Variants in ATP7A observed in about 807,000 individuals in gnomAD.
The protein encoded by ATP7A is copper-transporting ATPase 1.
A neutral mutation model predicts 83.5 loss-of-function variants in ATP7A; 7 were observed. That is an observed-to-expected ratio of 0.08 (90% CI 0.05 to 0.16). ATP7A has a LOEUF of 0.16. Among genes scored for constraint, ATP7A ranks in the 10% least tolerant of loss-of-function variants. The pLI, the probability that ATP7A is intolerant of heterozygous loss-of-function variation, is 1.00. For synonymous variants in ATP7A, 354 were observed against 395.2 expected (o/e 0.90, Z 1.24); for missense variants, 940 against 1,120.8 (o/e 0.84, Z 2.30).
chrX:77,997,841 C>T (rs945825457), intron 4 of ATP7A, among the ~76,000 whole-genome samples: 1 of 110,210 alleles, frequency 9.1e-6, no homozygotes. Flanking sequence ...TGTCCACAGA[C>T]ATATTAAAAT....
chrX:78,011,032 A>C lies in ATP7A; in HGVS notation c.1870-144A>C, dbSNP rs1387994454. 4 of 496,893 alleles carry C rather than the reference A, an allele frequency of 8.1e-6. No individual in the cohort carries two copies. The African/African-American group carries it at 9.6e-5, about 12-fold the overall frequency. 40.9% of individuals were successfully genotyped at this position (496,893 alleles called of 1,213,427 possible). The stretch of plus-strand genomic sequence containing the variant: ...GGAAACAAATGCAATCAAGAGCAGG[A>C]AGCACATCTTCATCTTTGTATTCCC... On this transcript the variant is annotated intron_variant, in intron 7 of 22. Transcript: ENST00000341514.
At chrX:78,032,481 C>T (rs2077989329) in intron 16 of ATP7A, among the ~76,000 whole-genome samples, 1 of 111,938 alleles carries the variant, frequency 8.9e-6, no homozygotes, top group African/African-American at 3.2e-5. Flanking sequence ...TCCCCACATT[C>T]TTACCAACGC....
At chrX:78,036,847 A>G (rs1379141033) in intron 17 of ATP7A, among the ~76,000 whole-genome samples, 1 of 111,667 alleles carries the variant, frequency 9.0e-6, no homozygotes, top group Non-Finnish European at 1.9e-5. Context: ...GTTGGTGGAC[A>G]TTGTCATAAT....
intron 6 of ATP7A, among the ~76,000 whole-genome samples, chrX:78,004,333 G>A (rs1245142528): frequency 1.8e-5 from 2 of 112,309 alleles, no homozygotes; most frequent in African/African-American, 6.5e-5. Flanking sequence ...GAAGATCAAA[G>A]AGAAACTTGC....
At chrX:77,947,239 C>T (rs929915182) in intron 1 of ATP7A, among the ~76,000 whole-genome samples, 1 of 110,431 alleles carries the variant, frequency 9.1e-6, no homozygotes, top group East Asian at 2.8e-4. Context: ...AAAGTAGTAC[C>T]GTGGTTACCA....
intron 9 of ATP7A, 147 bp from the exon 10 acceptor site, chrX:78,012,732 C>A: frequency 1.9e-6 from 1 of 513,733 alleles, no homozygotes; most frequent in Non-Finnish European, 3.4e-6. Flanking sequence ...GAAATACAAA[C>A]ACGATTGTTT....
intron 17 of ATP7A, among the ~76,000 whole-genome samples, chrX:78,036,660 C>T (rs970761962): frequency 5.4e-5 from 6 of 111,206 alleles, no homozygotes; most frequent in Non-Finnish European, 9.4e-5. Context: ...GCGGGTGGAT[C>T]ACTTCAGGTC....
chrX:77,975,480 A>C (rs1189381372), intron 2 of ATP7A: 11 of 79,367 alleles, frequency 1.4e-4, no homozygotes, highest in African/African-American at 3.9e-4. Context: ...TATTATGCTT[A>C]CTTTTTTTTT....
intron 1 of ATP7A, among the ~76,000 whole-genome samples, chrX:77,916,024 C>T (rs782748569): frequency 8.9e-6 from 1 of 111,764 alleles, no homozygotes; most frequent in South Asian, 3.7e-4. Flanking sequence ...CCCGGCCCTG[C>T]CACCACGCCC....
chrX:77,999,771 G>A (rs1305651493), intron 5 of ATP7A, among the ~76,000 whole-genome samples: 1 of 110,740 alleles, frequency 9.0e-6, no homozygotes, highest in East Asian at 2.8e-4. Context: ...GGGTGTAGTG[G>A]CGCATGCCTG....
rs149079962 is a variant in ATP7A, at chrX:78,046,334, C to G, written c.4267C>G (p.Arg1423Gly). The G allele has an allele frequency of 1.7e-6, 2 of 1,211,433 alleles. No homozygotes were observed. The highest frequency in any genetic ancestry group is 2.2e-6 in the Non-Finnish European group (2 of 895,193). Reference sequence around the variant, plus strand: ...TTACGAGAGTTATGAACTGCCTGCCCGGAGCCAGATAGGACAGAAGAGTCC... The same window carrying G: ...TTACGAGAGTTATGAACTGCCTGCCGGGAGCCAGATAGGACAGAAGAGTCC... ...PTYESYELPA[R>G]SQIGQKSPSE... Residue 1423 changes from arginine to glycine, a missense_variant, in exon 23 of 23, where the codon CGG becomes GGG. Transcript: ENST00000341514.
Position 77,989,922 on chromosome X carries a change from G to A in ATP7A, c.1300G>A (p.Ala434Thr). The change falls in exon 4 of 23, where the codon GCA (alanine) becomes ACA (threonine). Residue 434 changes from alanine (A) to threonine (T), a missense_variant. By Grantham distance (58) the Ala-to-Thr change is moderately conservative. Coordinates refer to ENST00000341514, the MANE Select transcript of ATP7A (RefSeq NM_000052.7). ...AACCTCTCCAGAAACGTTGAGAGGA[G>A]CAATAGAAGACATGGGATTTGATGC... Reference protein sequence around the residue: ...LLTSPETLRGAIEDMGFDATL... With the variant: ...LLTSPETLRGTIEDMGFDATL... 8.3e-7 allele frequency: 1 copy of A among 1,211,104 alleles called. No homozygotes were observed. Among genetic ancestry groups the A allele is most frequent in the Non-Finnish European group, 1.1e-6 (1 of 894,912 alleles).
intron 17 of ATP7A, 120 bp downstream of exon 17, chrX:78,033,941 T>C: frequency 1.5e-6 from 1 of 654,581 alleles, no homozygotes; most frequent in Non-Finnish European, 2.5e-6. Context: ...TTTCCTCAAG[T>C]CAATACCCTA....
At chrX:77,980,673 T>A (rs1461350678) in intron 2 of ATP7A, among the ~76,000 whole-genome samples, 5 of 110,749 alleles carry the variant, frequency 4.5e-5, no homozygotes, top group African/African-American at 1.3e-4. Flanking sequence ...AACTTTTTTT[T>A]AAATTATTTT....
chrX:78,048,481 G>C lies in ATP7A; in HGVS notation c.*1911G>C, dbSNP rs1062471. 2,879 of 111,824 alleles carry C rather than the reference G, an allele frequency of 0.026. 193 individuals are homozygous for C. The highest frequency in any genetic ancestry group is 0.25 in the East Asian group (872 of 3,503). The allele number at this position is 111,824 out of a possible 1,213,427, so 9.2% of individuals were successfully genotyped here. A position where few individuals can be genotyped will look rare whatever the true frequency, so the allele number is the denominator to read the frequency against. On this transcript the variant is annotated 3_prime_UTR_variant, in exon 23 of 23. Transcript: ENST00000341514. ...AAATCAGGTGGGGGTAGGGGATGGA[G>C]TTCTTCCTTTCCTACCCCTTTTCTC...
intron 2 of ATP7A, among the ~76,000 whole-genome samples, chrX:77,979,156 C>T (rs782801663): frequency 9.9e-5 from 11 of 110,628 alleles, no homozygotes; most frequent in African/African-American, 1.3e-4. Flanking sequence ...TTTTGTTATG[C>T]GCTCAGAATA....
rs782205533 is a variant in ATP7A, at chrX:77,968,942, G to A, written c.-21-2679G>A. 9.9e-6 allele frequency: 12 copies of A among 1,208,940 alleles called. No individual in the cohort carries two copies. The Admixed American group carries it at 1.7e-4, about 18-fold the overall frequency. On this transcript the variant is annotated intron_variant, in intron 1 of 22. Transcript: ENST00000341514. ...TTGCACACCGTCTCTTCATCCCCCAGAAACTGCATGGGCTTGATAGGCTTC... is the reference window on the plus strand; with the variant it reads ...TTGCACACCGTCTCTTCATCCCCCAAAAACTGCATGGGCTTGATAGGCTTC...
rs1004861034 is a variant in ATP7A at position 78,013,011 on chromosome X, A to G, written c.2305A>G (p.Met769Val). Residue 769 changes from methionine to valine, a missense_variant, in exon 10 of 23, where the codon ATG (methionine) becomes GTG (valine). Met to Val is a conservative substitution (Grantham distance 21). Transcript: ENST00000341514. ...AYSLIILLVA[M>V]YERAKVNPIT... ...CTCTTTGATTATTCTTCTAGTTGCA[A>G]TGTATGAGAGAGCCAAAGTGAACCC... The G allele has an allele frequency of 1.7e-6, 2 of 1,211,070 alleles. No homozygotes were observed. Among genetic ancestry groups the G allele is most frequent in the African/African-American group, 3.5e-5 (2 of 57,728 alleles).
chrX:77,998,729 G>A, intron 5 of ATP7A, 45 bp downstream of exon 5: 1 of 1,153,203 alleles, frequency 8.7e-7, no homozygotes, highest in Non-Finnish European at 1.2e-6. Context: ...TAGTTTGGGA[G>A]CTCCATCTTT....
Sources: allele counts gnomAD v4.1 joint callset (sites outside exome capture counted in the v4.1 genomes callset), GRCh38; gene constraint gnomAD v4.1.1; transcripts MANE v1.5; gene names NCBI Gene and HGNC (gene_info 2026-07-23, HGNC 2026-07-21).